The following RILP variants were observed in gnomAD, a reference collection of about 807,000 sequenced individuals.
The protein encoded by RILP is rab-interacting lysosomal protein.
In RILP, 53 loss-of-function variants were observed where a neutral mutation model predicts 40.0. That is an observed-to-expected ratio of 1.32 (90% CI 1.06 to 1.66). The LOEUF is 1.66. RILP is among the 40% of genes most tolerant of loss of function. The pLI, the probability that RILP is intolerant of heterozygous loss-of-function variation, is 0.00. For missense variants in RILP, 626 were observed against 551.7 expected, an observed-to-expected ratio of 1.13 and a Z score of -1.35; for synonymous variants, 272 against 250.6, an observed-to-expected ratio of 1.09 and a Z score of -0.80.
Position 1,648,875 on chromosome 17 carries a change from C to A in RILP, c.599G>T (p.Arg200Leu). ...CTCCTGTCCGTGCTGGTGCCCGGGC[C>A]GCCCGGCCTGCCCCCGCGCTCGCTC... is the stretch of plus-strand genomic sequence containing the variant. ...AKERARGQAGRPGHQHGQEPE... is the reference protein window; with the variant it reads ...AKERARGQAGLPGHQHGQEPE... The change falls in exon 4 of 8, where the codon CGG becomes CTG. Residue 200 changes from arginine (R) to leucine (L), a missense_variant. Arg to Leu is a moderately radical substitution (Grantham distance 102). Transcript: ENST00000301336. This position sits in a 1 kb window ranked among gnomAD's most constrained non-coding sequence, Gnocchi z 4.9. The A allele has an allele frequency of 2.0e-6, 3 of 1,533,412 alleles. No individual in the cohort carries two copies. Among genetic ancestry groups the A allele is most frequent in the Non-Finnish European group, 2.6e-6 (3 of 1,147,834 alleles). The allele number at this position is 1,533,412 out of a possible 1,614,324, so 95.0% of individuals were successfully genotyped here. A position where few individuals can be genotyped will look rare whatever the true frequency, so the allele number is the denominator to read the frequency against.
Position 1,649,110 on chromosome 17 carries a change from C to A in RILP, c.430-66G>T. The A allele has an allele frequency of 8.3e-7, 1 of 1,205,708 alleles. No homozygotes were observed. The highest frequency in any genetic ancestry group is 1.0e-6 in the Non-Finnish European group (1 of 964,078). The allele number at this position is 1,205,708 out of a possible 1,614,324, so 74.7% of individuals were successfully genotyped here. On this transcript the variant is annotated intron_variant, in intron 3 of 7. Coordinates refer to ENST00000301336, the MANE Select transcript of RILP (RefSeq NM_031430.3). This position sits in a 1 kb window ranked among gnomAD's most constrained non-coding sequence, Gnocchi z 4.3. ...GGCCCCCCGGAGCCCCGCCCAGCGC[C>A]TGCCTCGCTCCGCCCCCGCCCCCGG...
chr17:1,648,731 G>A lies in RILP; in HGVS notation c.675+68C>T, dbSNP rs541266546. 1.8e-5 allele frequency: 26 copies of A among 1,437,724 alleles called. No individual in the cohort carries two copies. In the African/African-American group the frequency reaches 3.1e-4, roughly 17 times the overall value. 89.1% of individuals were successfully genotyped at this position (1,437,724 alleles called of 1,614,324 possible). The stretch of plus-strand genomic sequence containing the variant: ...ACCTGCTGTGCAGCATGCAAACCTT[G>A]CTTGAGTGCCCACCGAGGGCTGGAC... On this transcript the variant is annotated intron_variant, in intron 4 of 7. Coordinates refer to ENST00000301336, the MANE Select transcript of RILP (RefSeq NM_031430.3). This position sits in a 1 kb window ranked among gnomAD's most constrained non-coding sequence, Gnocchi z 4.9.
At position 1,649,089 on chromosome 17, in the gene RILP, C is replaced by A. The variant is rs1447214688; in HGVS notation, c.430-45G>T. ...TGGGGTGGGCGGGGCACCGAGGGCC[C>A]CCCGGAGCCCCGCCCAGCGCCTGCC... is the stretch of plus-strand genomic sequence containing the variant. On this transcript the variant is annotated intron_variant, in intron 3 of 7. Transcript: ENST00000301336. The surrounding 1 kb of genome is among the most constrained non-coding windows in gnomAD (Gnocchi z 4.3). The A allele has an allele frequency of 3.3e-6, 4 of 1,217,896 alleles. No individual in the cohort carries two copies. Among genetic ancestry groups the A allele is most frequent in the African/African-American group, 1.6e-5 (1 of 62,472 alleles). The allele number at this position is 1,217,896 out of a possible 1,614,324, so 75.4% of individuals were successfully genotyped here. A position where few individuals can be genotyped will look rare whatever the true frequency, so the allele number is the denominator to read the frequency against.
At position 1,646,823 on chromosome 17, in the gene RILP, G is replaced by C; in HGVS notation, c.1028+83C>G. On this transcript the variant is annotated intron_variant, in intron 7 of 7. Coordinates refer to ENST00000301336, the MANE Select transcript of RILP (RefSeq NM_031430.3). The surrounding 1 kb of genome is among the most constrained non-coding windows in gnomAD (Gnocchi z 4.3). Reference sequence around the variant, plus strand: ...GCACAGCAGGGTGACGGGCAGAGAAGCGGGAAAGGGGATCCTGAGAAGGAC... The same window carrying C: ...GCACAGCAGGGTGACGGGCAGAGAACCGGGAAAGGGGATCCTGAGAAGGAC... The C allele has an allele frequency of 9.6e-6, 11 of 1,147,680 alleles. No individual in the cohort carries two copies. Among genetic ancestry groups the C allele is most frequent in the Non-Finnish European group, 1.4e-5 (11 of 812,584 alleles). 71.1% of individuals were successfully genotyped at this position (1,147,680 alleles called of 1,614,324 possible).
chr17:1,647,073 A>G lies in RILP; in HGVS notation c.945-84T>C, dbSNP rs548501901. 623 of 847,292 alleles carry G rather than the reference A, an allele frequency of 7.4e-4. 4 individuals carry two copies. Among genetic ancestry groups the G allele is most frequent in the Non-Finnish European group, 8.2e-4 (464 of 567,612 alleles). The allele number at this position is 847,292 out of a possible 1,614,324, so 52.5% of individuals were successfully genotyped here. On this transcript the variant is annotated intron_variant, in intron 6 of 7. Transcript: ENST00000301336. ...GGAATCCAGCAGGGGGGATGGAGGG[A>G]CTGCAGGGCCCCCGGGGCTGGAGAG...
Position 1,649,298 on chromosome 17 carries a change from C to A in RILP, c.331G>T (p.Ala111Ser). ...ELRAGPQEER[A>S]LLRQLKEVTD... ...ACCTCCTTGAGCTGCCGCAGCAGCG[C>A]GCGCTCCTCTGAGGAAGGGGCGTTC... The change falls in exon 3 of 8, where the codon GCG becomes TCG. Residue 111 changes from alanine (A) to serine (S), a missense_variant. Coordinates refer to ENST00000301336, the MANE Select transcript of RILP (RefSeq NM_031430.3). The surrounding 1 kb of genome is among the most constrained non-coding windows in gnomAD (Gnocchi z 4.3). 1 of 1,503,208 alleles carries A rather than the reference C, an allele frequency of 6.7e-7. No individual in the cohort carries two copies. Among genetic ancestry groups the A allele is most frequent in the Non-Finnish European group, 8.8e-7 (1 of 1,133,022 alleles). The allele number at this position is 1,503,208 out of a possible 1,614,324, so 93.1% of individuals were successfully genotyped here.
chr17:1,646,658 C>T lies in RILP; in HGVS notation c.1029-39G>A. The T allele has an allele frequency of 6.5e-7, 1 of 1,536,868 alleles. No individual in the cohort carries two copies. Among genetic ancestry groups the T allele is most frequent in the Non-Finnish European group, 8.8e-7 (1 of 1,140,166 alleles). ...GCCAGAGGCACTTTGAGCCAGGAAGCCAGAGAGGTCAAGGATATGGGTGAG... is the reference window on the plus strand; with the variant it reads ...GCCAGAGGCACTTTGAGCCAGGAAGTCAGAGAGGTCAAGGATATGGGTGAG... On this transcript the variant is annotated intron_variant, in intron 7 of 7. Coordinates refer to ENST00000301336, the MANE Select transcript of RILP (RefSeq NM_031430.3). This position sits in a 1 kb window ranked among gnomAD's most constrained non-coding sequence, Gnocchi z 4.3.
In RILP at chr17:1,649,625, C is replaced by CCGCACCACTAG; in HGVS notation, c.169_179dup (p.Ala61Ter). 6.3e-7 allele frequency: 1 copy of CCGCACCACTAG among 1,582,884 alleles called. No homozygotes were observed. The highest frequency in any genetic ancestry group is 8.5e-7 in the Non-Finnish European group (1 of 1,172,538). On this transcript the variant is annotated stop_gained and frameshift_variant, in exon 1 of 8. Coordinates refer to ENST00000301336, the MANE Select transcript of RILP (RefSeq NM_031430.3). LOFTEE classifies it high-confidence loss of function. The surrounding 1 kb of genome is among the most constrained non-coding windows in gnomAD (Gnocchi z 4.3). Reference sequence around the variant, plus strand: ...CAGCCTGTTCCAAGAGCTCCAGCGCCCGCACCACTAGCGGCACCAGCCCGG... The same window carrying CCGCACCACTAG: ...CAGCCTGTTCCAAGAGCTCCAGCGCCCGCACCACTAGCGCACCACTAGCGGCACCAGCCCGG...
chr17:1,647,740 G>A, intron 6 of RILP, 95 bp downstream of exon 6: 3 of 1,524,358 alleles, frequency 2.0e-6, no homozygotes, highest in Middle Eastern at 1.7e-4. Flanking sequence ...CTCAGTCTGA[G>A]ACAATGGGCT....
chr17:1,647,740 G>T, intron 6 of RILP, 95 bp downstream of exon 6: 2 of 1,524,354 alleles, frequency 1.3e-6, no homozygotes, highest in Non-Finnish European at 1.8e-6. Context: ...CTCAGTCTGA[G>T]ACAATGGGCT....
Position 1,648,812 on chromosome 17 carries a change from T to C in RILP, c.662A>G (p.Asn221Ser), listed in dbSNP as rs1910764747. The C allele has an allele frequency of 6.6e-7, 1 of 1,524,834 alleles. No individual in the cohort carries two copies. Among genetic ancestry groups the C allele is most frequent in the Non-Finnish European group, 8.7e-7 (1 of 1,148,004 alleles). 94.5% of individuals were successfully genotyped at this position (1,524,834 alleles called of 1,614,324 possible). ...WATAGAGAPG[N>S]PEDPAEAAQQ... ...TACGGCACTCACCGGGTCCTCAGGGTTCCCTGGGGCGCCTGCGCCGGCGGT... is the reference window on the plus strand; with the variant it reads ...TACGGCACTCACCGGGTCCTCAGGGCTCCCTGGGGCGCCTGCGCCGGCGGT... Residue 221 changes from asparagine (N) to serine (S), a missense_variant, in exon 4 of 8, where the codon AAC (asparagine) becomes AGC (serine). Coordinates refer to ENST00000301336, the MANE Select transcript of RILP (RefSeq NM_031430.3). This position sits in a 1 kb window ranked among gnomAD's most constrained non-coding sequence, Gnocchi z 4.9.
rs776417201 is a variant in RILP, at chr17:1,648,391, G to C, written c.780C>G (p.Ala260=). ...QILQERNELK[A]KVFLLKEELA... ...GTTCCTCCTTGAGCAGGAACACTTT[G>C]GCTTTGAGTTCATTCCGCTCCTGAA... is the stretch of plus-strand genomic sequence containing the variant. Residue 260 remains alanine (A), a synonymous_variant, in exon 5 of 8, where the codon GCC becomes GCG. Coordinates refer to ENST00000301336, the MANE Select transcript of RILP (RefSeq NM_031430.3). This position sits in a 1 kb window ranked among gnomAD's most constrained non-coding sequence, Gnocchi z 4.9. 3.1e-6 allele frequency: 5 copies of C among 1,614,042 alleles called. No homozygotes were observed. The South Asian group carries it at 3.3e-5, about 11-fold the overall frequency.
Position 1,649,824 on chromosome 17 carries a change from C to A in RILP, c.-20G>T, listed in dbSNP as rs1164998737. 1.3e-6 allele frequency: 2 copies of A among 1,504,270 alleles called. No homozygotes were observed. The highest frequency in any genetic ancestry group is 8.9e-7 in the Non-Finnish European group (1 of 1,126,084). 93.2% of individuals were successfully genotyped at this position (1,504,270 alleles called of 1,614,324 possible). A position where few individuals can be genotyped will look rare whatever the true frequency, so the allele number is the denominator to read the frequency against. On this transcript the variant is annotated 5_prime_UTR_variant, in exon 1 of 8. Coordinates refer to ENST00000301336, the MANE Select transcript of RILP (RefSeq NM_031430.3). This position sits in a 1 kb window ranked among gnomAD's most constrained non-coding sequence, Gnocchi z 4.3. Reference sequence around the variant, plus strand: ...CTCCATGTCTCCCAGAGGCTTAGGGCTGCGACCCCCCCACCCCACCCTCCA... The same window carrying A: ...CTCCATGTCTCCCAGAGGCTTAGGGATGCGACCCCCCCACCCCACCCTCCA...
rs374832672 is a variant in RILP at position 1,647,933 on chromosome 17, G to C, written c.846C>G (p.Val282=). 1.2e-6 allele frequency: 2 copies of C among 1,614,144 alleles called. No individual in the cohort carries two copies. The highest frequency in any genetic ancestry group is 1.3e-5 in the African/African-American group (1 of 75,048). Residue 282 remains valine, a synonymous_variant, in exon 6 of 8, where the codon GTC becomes GTG. Transcript: ENST00000301336. ...FQRELLTDHR[V]PGLLLEAMKV... is the part of the protein sequence containing the mutation. ...TCATGGCCTCGAGCAGAAGGCCGGGGACCCGGTGGTCTGTGAGCAGCTCCC... is the reference window on the plus strand; with the variant it reads ...TCATGGCCTCGAGCAGAAGGCCGGGCACCCGGTGGTCTGTGAGCAGCTCCC...
chr17:1,648,200 G>A lies in RILP; in HGVS notation c.821+150C>T. The A allele has an allele frequency of 8.6e-7, 1 of 1,164,516 alleles. No homozygotes were observed. The highest frequency in any genetic ancestry group is 1.2e-6 in the Non-Finnish European group (1 of 824,300). 72.1% of individuals were successfully genotyped at this position (1,164,516 alleles called of 1,614,324 possible). A position where few individuals can be genotyped will look rare whatever the true frequency, so the allele number is the denominator to read the frequency against. The stretch of plus-strand genomic sequence containing the variant: ...ACCCTTTGTACTGTCCCTCTCCCCT[G>A]TCTGGATGACATTGCAGGAGGGCAA... On this transcript the variant is annotated intron_variant, in intron 5 of 7. Transcript: ENST00000301336. This position sits in a 1 kb window ranked among gnomAD's most constrained non-coding sequence, Gnocchi z 4.9.
chr17:1,649,801 C>G lies in RILP; in HGVS notation c.4G>C (p.Glu2Gln). The G allele has an allele frequency of 6.5e-7, 1 of 1,542,284 alleles. No homozygotes were observed. ...ACCCCGGGCGCCGCCCTCCTGGGCTCCATGTCTCCCAGAGGCTTAGGGCTG... is the reference window on the plus strand; with the variant it reads ...ACCCCGGGCGCCGCCCTCCTGGGCTGCATGTCTCCCAGAGGCTTAGGGCTG... Reference protein sequence around the residue: MEPRRAAPGVPG... With the variant: MQPRRAAPGVPG... Residue 2 changes from glutamate (E) to glutamine (Q), a missense_variant, in exon 1 of 8, where the codon GAG becomes CAG. By Grantham distance (29) the Glu-to-Gln change is conservative. Transcript: ENST00000301336. This position sits in a 1 kb window ranked among gnomAD's most constrained non-coding sequence, Gnocchi z 4.3.
Position 1,646,434 on chromosome 17 carries a change from C to T in RILP, c.*8G>A, listed in dbSNP as rs1910571485. The T allele has an allele frequency of 6.4e-7, 1 of 1,559,650 alleles. No individual in the cohort carries two copies. The highest frequency in any genetic ancestry group is 1.2e-5 in the South Asian group (1 of 82,514). ...GGCCACACATCCTTCCACAGCCAGA[C>T]CCCTAAGTCAGGCCTCTGGGGCGGC... On this transcript the variant is annotated 3_prime_UTR_variant, in exon 8 of 8. Coordinates refer to ENST00000301336, the MANE Select transcript of RILP (RefSeq NM_031430.3). This position sits in a 1 kb window ranked among gnomAD's most constrained non-coding sequence, Gnocchi z 4.3.
At position 1,646,968 on chromosome 17, in the gene RILP, C is replaced by G; in HGVS notation, c.966G>C (p.Trp322Cys). 6.2e-7 allele frequency: 1 copy of G among 1,608,668 alleles called. No individual in the cohort carries two copies. Among genetic ancestry groups the G allele is most frequent in the South Asian group, 1.1e-5 (1 of 90,252 alleles). ...CTCCCTTGTCATCGGAGAGCAGGAT[C>G]CATGGGCCAGCCTCATCCTCACTGA... ...AESSEDEAGP[W>C]ILLSDDKGDH... is the part of the protein sequence containing the mutation. Residue 322 changes from tryptophan to cysteine, a missense_variant, in exon 7 of 8, where the codon TGG becomes TGC. Transcript: ENST00000301336. The surrounding 1 kb of genome is among the most constrained non-coding windows in gnomAD (Gnocchi z 4.3).
Position 1,646,754 on chromosome 17 carries a change from G to T in RILP, c.1029-135C>A. ...CTGAGGGAGTGTGAAGGTGATGGGG[G>T]CCAGGGCCAGAGAAGCAGGAGGGGA... On this transcript the variant is annotated intron_variant, in intron 7 of 7. Coordinates refer to ENST00000301336, the MANE Select transcript of RILP (RefSeq NM_031430.3). The surrounding 1 kb of genome is among the most constrained non-coding windows in gnomAD (Gnocchi z 4.3). 1 of 1,086,802 alleles carries T rather than the reference G, an allele frequency of 9.2e-7. No individual in the cohort carries two copies. Among genetic ancestry groups the T allele is most frequent in the Non-Finnish European group, 1.3e-6 (1 of 755,556 alleles). The allele number at this position is 1,086,802 out of a possible 1,614,324, so 67.3% of individuals were successfully genotyped here.
Sources: gnomAD v4.1 joint callset for allele counts on GRCh38, gnomAD v4.1.1 for gene constraint, Gnocchi (gnomAD v3.1) non-coding constraint, MANE v1.5 for transcripts, NCBI Gene and HGNC (gene_info 2026-07-23, HGNC 2026-07-21) for gene names.